FAM174A: variants seen among roughly 807,000 people sequenced by gnomAD.
FAM174A encodes the protein family with sequence similarity 174 member A, also known as membrane protein FAM174A.
In FAM174A, 14 loss-of-function variants were observed where a neutral mutation model predicts 14.3. The ratio of observed to expected loss-of-function variants is 0.98; its 90% CI spans 0.65 to 1.53. FAM174A has a LOEUF of 1.53. Ranked by LOEUF, FAM174A falls within the 40% of genes most tolerant of loss-of-function variation. The probability of loss-of-function intolerance (pLI) is 0.00; values close to 1 mark genes in which losing one functional copy is unlikely to be tolerated. For missense variants in FAM174A, 241 were observed against 249.6 expected (o/e 0.97, Z 0.23); for synonymous variants, 108 against 111.4 (o/e 0.97, Z 0.19).
intron 1 of FAM174A, among the ~76,000 whole-genome samples, chr5:100,554,310 C>CTTTTTTTTTTTTTT (rs34241194): frequency 6.4e-5 from 6 of 93,932 alleles, no homozygotes; most frequent in East Asian, 3.1e-4. Context: ...ATTTTTCTAT[C>CTTTTTTTTTTTTTT]TTTTTTTTTT....
intron 1 of FAM174A, among the ~76,000 whole-genome samples, chr5:100,540,863 T>C (rs946298300): frequency 6.6e-6 from 1 of 152,194 alleles, no homozygotes; most frequent in Non-Finnish European, 1.5e-5. Flanking sequence ...CAATGCTTGC[T>C]CATGTAATGC....
intron 1 of FAM174A, among the ~76,000 whole-genome samples, chr5:100,558,082 T>G (rs1280215795): frequency 6.6e-6 from 1 of 152,212 alleles, no homozygotes. Context: ...TTTAGTGCTA[T>G]AAATTTCCCT....
At chr5:100,546,510 C>G (rs142675638) in intron 1 of FAM174A, among the ~76,000 whole-genome samples, 33 of 152,272 alleles carry the variant, frequency 2.2e-4, no homozygotes, top group African/African-American at 7.9e-4. Flanking sequence ...ATTTGGAACT[C>G]TACTTTTGCC....
intron 2 of FAM174A, among the ~76,000 whole-genome samples, chr5:100,569,675 C>A (rs1746735115): frequency 6.6e-6 from 1 of 151,794 alleles, no homozygotes; most frequent in South Asian, 2.1e-4. Context: ...CTGGGCAGAG[C>A]AAATTGGATA....
intron 1 of FAM174A, among the ~76,000 whole-genome samples, chr5:100,540,847 C>T (rs1379120283): frequency 4.6e-5 from 7 of 152,066 alleles, no homozygotes; most frequent in African/African-American, 1.4e-4. Flanking sequence ...GGCGTTGAGG[C>T]CAGAGCAATG....
intron 1 of FAM174A, among the ~76,000 whole-genome samples, chr5:100,559,460 A>G (rs554875155): frequency 2.6e-4 from 39 of 151,950 alleles, no homozygotes; most frequent in Admixed American, 4.6e-4. Context: ...CGTTCTCTGT[A>G]TTTCCTGAAT....
At chr5:100,538,715 A>G (rs1397158975) in intron 1 of FAM174A, among the ~76,000 whole-genome samples, 1 of 152,134 alleles carries the variant, frequency 6.6e-6, no homozygotes, top group Admixed American at 6.5e-5. Flanking sequence ...TTCATGTATT[A>G]TATTGCTGAA....
In FAM174A at chr5:100,535,573, G is replaced by A; in HGVS notation, c.43G>A (p.Ala15Thr). 1 of 1,613,254 alleles carries A rather than the reference G, an allele frequency of 6.2e-7. No homozygotes were observed. The highest frequency in any genetic ancestry group is 8.5e-7 in the Non-Finnish European group (1 of 1,179,978). ...CTGCTGCTGTCTCAGCCACCTCTTGGCTTCCGTCCTCCTCCTGCTGTTGCT... is the reference window on the plus strand; with the variant it reads ...CTGCTGCTGTCTCAGCCACCTCTTGACTTCCGTCCTCCTCCTGCTGTTGCT... ...QCCCCLSHLLASVLLLLLLPE... is the reference protein window; with the variant it reads ...QCCCCLSHLLTSVLLLLLLPE... The change falls in exon 1 of 3, where the codon GCT (alanine) becomes ACT (threonine). Residue 15 changes from alanine (A) to threonine (T), a missense_variant. Coordinates refer to ENST00000312637, the MANE Select transcript of FAM174A (RefSeq NM_198507.3).
Position 100,551,897 on chromosome 5 carries a change from A to G in FAM174A, c.435-10157A>G, listed in dbSNP as rs536769797. Among the ~76,000 whole-genome samples the G allele has an allele frequency of 1.8e-3, 272 of 152,234 alleles. 3 individuals are homozygous for G. The South Asian group carries it at 0.024, about 14-fold the overall frequency. On this transcript the variant is annotated intron_variant, in intron 1 of 2. Coordinates refer to ENST00000312637, the MANE Select transcript of FAM174A (RefSeq NM_198507.3). ...TCACATTGGATGAGGGCCTACCTTA[A>G]TGATCTCATTTTAACTTGATTACCT...
chr5:100,544,414 A>G lies in FAM174A; in HGVS notation c.434+8450A>G, dbSNP rs1293792274. Among the ~76,000 whole-genome samples the G allele has an allele frequency of 9.9e-5, 15 of 151,648 alleles. 1 individual carries two copies. The highest frequency in any genetic ancestry group is 1.5e-5 in the Non-Finnish European group (1 of 67,902). ...CTCAAACAGATGAGATCCTGGAGAG[A>G]GAGAGAGAGAGAGAGAGAGATCGAG... On this transcript the variant is annotated intron_variant, in intron 1 of 2. Transcript: ENST00000312637.
chr5:100,573,146 A>G (rs1256210030), intron 2 of FAM174A, among the ~76,000 whole-genome samples: 2 of 151,880 alleles, frequency 1.3e-5, no homozygotes, highest in Non-Finnish European at 2.9e-5. Flanking sequence ...TAGATTCTGG[A>G]TATTAGCCCT....
At chr5:100,566,157 T>G (rs1423473068) in intron 2 of FAM174A, among the ~76,000 whole-genome samples, 3 of 142,024 alleles carry the variant, frequency 2.1e-5, no homozygotes, top group Non-Finnish European at 3.1e-5. Context: ...TATATATATA[T>G]ATATATATAT....
intron 1 of FAM174A, among the ~76,000 whole-genome samples, chr5:100,553,632 C>G (rs1051369232): frequency 2.0e-5 from 3 of 151,872 alleles, no homozygotes; most frequent in African/African-American, 7.3e-5. Context: ...ACTGCATCAC[C>G]CATTTATTTG....
intron 1 of FAM174A, among the ~76,000 whole-genome samples, chr5:100,544,798 G>T (rs1026852725): frequency 6.6e-6 from 1 of 152,218 alleles, no homozygotes; most frequent in Non-Finnish European, 1.5e-5. Context: ...GCATTCCTCT[G>T]TAATTGATAG....
intron 1 of FAM174A, among the ~76,000 whole-genome samples, chr5:100,559,011 T>A (rs1457280324): frequency 6.6e-6 from 1 of 152,192 alleles, no homozygotes; most frequent in East Asian, 1.9e-4. Flanking sequence ...GCTCCTTAGT[T>A]GATGCACTTT....
intron 2 of FAM174A, among the ~76,000 whole-genome samples, chr5:100,584,105 G>A (rs567771833): frequency 1.9e-4 from 29 of 152,266 alleles, no homozygotes; most frequent in Admixed American, 3.9e-4. Context: ...AAGCATCAGT[G>A]GAACCAGTCC....
intron 1 of FAM174A, among the ~76,000 whole-genome samples, chr5:100,538,142 A>G (rs1288251333): frequency 6.6e-6 from 1 of 152,168 alleles, no homozygotes; most frequent in Non-Finnish European, 1.5e-5. Flanking sequence ...AGCTTGAATG[A>G]TGCTAACAAT....
intron 1 of FAM174A, among the ~76,000 whole-genome samples, chr5:100,554,984 TTGTTACATA>T (rs1746343078): frequency 6.6e-6 from 1 of 152,138 alleles, no homozygotes; most frequent in Non-Finnish European, 1.5e-5. Context: ...ACATGCAGGT[TTGTTACATA>T]TGTATACATG....
chr5:100,578,304 A>G (rs1400160651), intron 2 of FAM174A, among the ~76,000 whole-genome samples: 1 of 152,128 alleles, frequency 6.6e-6, no homozygotes, highest in Admixed American at 6.5e-5. Context: ...CCCTTAGACC[A>G]ATCTCTTGAA....
Sources: allele counts gnomAD v4.1 joint callset (sites outside exome capture counted in the v4.1 genomes callset), GRCh38; gene constraint gnomAD v4.1.1; transcripts MANE v1.5; gene names NCBI Gene and HGNC (gene_info 2026-07-23, HGNC 2026-07-21).